CTNNA2: variants seen among roughly 807,000 people sequenced by gnomAD.
CTNNA2 encodes catenin alpha 2, also known as catenin alpha-2.
CTNNA2 carries 42 observed loss-of-function variants against 101.0 expected under a neutral mutation model. That is an observed-to-expected ratio of 0.42 (90% CI 0.32 to 0.54). The LOEUF (loss-of-function observed/expected upper bound fraction) is 0.54, where lower values mean the gene tolerates loss of function less well. CTNNA2 is among the 20% of genes least tolerant of loss of function. The pLI is 0.14. For synonymous variants in CTNNA2, 450 were observed against 456.4 expected, an observed-to-expected ratio of 0.99 and a Z score of 0.18; for missense variants, 871 against 1,223.1, an observed-to-expected ratio of 0.71 and a Z score of 4.29.
rs138772093 is a variant in CTNNA2, at chr2:79,292,003, G to T, written c.-405-20706G>T. ...TACTTCAGATACCCAGGGCTTTTGGGGGGTAGAGCTCACCTGTGGGGGTGG... is the reference window on the plus strand; with the variant it reads ...TACTTCAGATACCCAGGGCTTTTGGTGGGTAGAGCTCACCTGTGGGGGTGG... On this transcript the variant is annotated intron_variant, in intron 2 of 21. Coordinates refer to the CTNNA2 transcript ENST00000466387. Among the ~76,000 whole-genome samples the T allele has an allele frequency of 1.5e-4, 23 of 152,090 alleles. No individual in the cohort carries two copies. The East Asian group carries it at 1.9e-3, about 13-fold the overall frequency.
At chr2:79,664,176 T>G (rs1005042083) in intron 2 of CTNNA2, among the ~76,000 whole-genome samples, 1 of 152,234 alleles carries the variant, frequency 6.6e-6, no homozygotes, top group Admixed American at 6.5e-5. Flanking sequence ...AATACATTTC[T>G]TATATATTGC....
At chr2:80,229,270 G>A (rs1032290908) in intron 7 of CTNNA2, among the ~76,000 whole-genome samples, 3 of 152,106 alleles carry the variant, frequency 2.0e-5, no homozygotes, top group Non-Finnish European at 4.4e-5. Context: ...CTAGCTAACT[G>A]GTGACAACAT....
At chr2:79,550,630 A>G (rs1349868512) in intron 1 of CTNNA2, among the ~76,000 whole-genome samples, 2 of 152,216 alleles carry the variant, frequency 1.3e-5, no homozygotes, top group Admixed American at 1.3e-4. Context: ...ATTAAGCGCA[A>G]CACTCATTTA....
At chr2:80,589,627 A>C in intron 15 of CTNNA2, 142 bp downstream of exon 15, 1 of 720,954 alleles carries the variant, frequency 1.4e-6, no homozygotes, top group Non-Finnish European at 2.2e-6. Context: ...TGTATAAGTC[A>C]AAATGATCTG....
chr2:79,699,908 A>T (rs917772025), intron 2 of CTNNA2, among the ~76,000 whole-genome samples: 30 of 147,718 alleles, frequency 2.0e-4, no homozygotes, highest in Non-Finnish European at 4.2e-4. Flanking sequence ...TTATATACCT[A>T]TGTGTGTATA....
chr2:80,603,864 G>A, intron 15 of CTNNA2: 2 of 524,768 alleles, frequency 3.8e-6, no homozygotes, highest in Non-Finnish European at 6.8e-6. Flanking sequence ...AAGATAAAAT[G>A]TGAACATGCA....
intron 3 of CTNNA2, among the ~76,000 whole-genome samples, chr2:79,788,909 A>G (rs1675054527): frequency 6.6e-6 from 1 of 152,216 alleles, no homozygotes. Flanking sequence ...ATCCTTTACA[A>G]TGCGAAATCA....
intron 16 of CTNNA2, among the ~76,000 whole-genome samples, chr2:80,607,930 A>T (rs1295510195): frequency 1.3e-5 from 2 of 151,882 alleles, no homozygotes; most frequent in Admixed American, 1.3e-4. Flanking sequence ...ATACTCATAA[A>T]CATGTATAGA....
chr2:80,177,122 G>A (rs1205546608), intron 7 of CTNNA2, among the ~76,000 whole-genome samples: 1 of 152,142 alleles, frequency 6.6e-6, no homozygotes, highest in African/African-American at 2.4e-5. Context: ...GCTGCTTTAG[G>A]GTGATGGGGA....
At chr2:79,866,060 G>T (rs2103998020) in intron 4 of CTNNA2, among the ~76,000 whole-genome samples, 1 of 152,314 alleles carries the variant, frequency 6.6e-6, no homozygotes, top group African/African-American at 2.4e-5. Flanking sequence ...TTTCAACCAG[G>T]AAAATTAGAC....
At chr2:80,494,342 T>G (rs952743131) in intron 9 of CTNNA2, among the ~76,000 whole-genome samples, 1 of 152,208 alleles carries the variant, frequency 6.6e-6, no homozygotes, top group African/African-American at 2.4e-5. Context: ...AAAGCTGTGA[T>G]GGCTGTGGAC....
At chr2:79,814,225 T>C (rs998128782) in intron 3 of CTNNA2, among the ~76,000 whole-genome samples, 1 of 151,932 alleles carries the variant, frequency 6.6e-6, no homozygotes, top group Admixed American at 6.6e-5. Context: ...CCCATAAGAA[T>C]TTTTCAAAAA....
intron 7 of CTNNA2, among the ~76,000 whole-genome samples, chr2:79,979,460 A>T (rs967027803): frequency 6.6e-6 from 1 of 152,166 alleles, no homozygotes; most frequent in African/African-American, 2.4e-5. Context: ...GTGTCCCAGC[A>T]CAGAACCCAA....
chr2:79,215,253 G>A (rs1322754748), intron 2 of CTNNA2, among the ~76,000 whole-genome samples: 1 of 152,148 alleles, frequency 6.6e-6, no homozygotes, highest in African/African-American at 2.4e-5. Flanking sequence ...TCCTTGGCCT[G>A]GTTGCCAGAT....
At position 80,303,728 on chromosome 2, in the gene CTNNA2, A is replaced by G. The variant is rs1402653672; in HGVS notation, c.1057-89483A>G. The G allele has an allele frequency of 7.5e-6, 12 of 1,604,022 alleles. No individual in the cohort carries two copies. Among genetic ancestry groups the G allele is most frequent in the Non-Finnish European group, 9.4e-6 (11 of 1,175,136 alleles). ...GCACCCGCTGGGGGCGGCGGGCAGC[A>G]TCTGAAAGCAGGCCCCCAGCAGACA... On this transcript the variant is annotated intron_variant, in intron 7 of 18. Coordinates refer to ENST00000402739, the MANE Select transcript of CTNNA2 (RefSeq NM_001282597.3). This position sits in a 1 kb window ranked among gnomAD's most constrained non-coding sequence, Gnocchi z 7.7.
intron 3 of CTNNA2, among the ~76,000 whole-genome samples, chr2:79,345,193 C>T (rs1677235039): frequency 6.6e-6 from 1 of 151,758 alleles, no homozygotes. Context: ...AAAATCTCCT[C>T]ACATTTTTCT....
chr2:79,247,275 T>C (rs1319135198), intron 2 of CTNNA2, among the ~76,000 whole-genome samples: 1 of 152,244 alleles, frequency 6.6e-6, no homozygotes, highest in Admixed American at 6.5e-5. Flanking sequence ...CTTTTAACTG[T>C]TAATTTGAAT....
intron 7 of CTNNA2, among the ~76,000 whole-genome samples, chr2:80,143,628 G>A (rs1316914436): frequency 6.6e-6 from 1 of 152,040 alleles, no homozygotes; most frequent in East Asian, 1.9e-4. Flanking sequence ...GTAGAAGATA[G>A]ATTTCACGAT....
chr2:79,291,611 A>C (rs933056897), intron 2 of CTNNA2, among the ~76,000 whole-genome samples: 1 of 152,152 alleles, frequency 6.6e-6, no homozygotes, highest in African/African-American at 2.4e-5. Context: ...AAACTTAATA[A>C]GCTCCCATTT....
Sources: gnomAD v4.1 joint callset for allele counts (sites outside exome capture counted in the v4.1 genomes callset) on GRCh38, gnomAD v4.1.1 for gene constraint, Gnocchi (gnomAD v3.1) non-coding constraint, MANE v1.5 for transcripts, NCBI Gene and HGNC (gene_info 2026-07-23, HGNC 2026-07-21) for gene names.